DCAF1: variants seen among roughly 807,000 people sequenced by gnomAD.
The protein encoded by DCAF1 is DDB1- and CUL4-associated factor 1.
DCAF1 carries 15 observed loss-of-function variants against 128.0 expected under a neutral mutation model. The observed-to-expected ratio is 0.12, with a 90% CI of 0.08 to 0.18. The LOEUF (loss-of-function observed/expected upper bound fraction) is 0.18, where lower values mean the gene tolerates loss of function less well. Among genes scored for constraint, DCAF1 ranks in the 10% least tolerant of loss-of-function variants. DCAF1 has a pLI of 1.00. For missense variants in DCAF1, 988 were observed against 1,649.5 expected (o/e 0.60, Z 6.95); for synonymous variants, 610 against 603.0 (o/e 1.01, Z -0.17).
chr3:51,398,860 C>T (rs782116511), intron 24 of DCAF1, 33 bp from the exon 25 acceptor site: 2 of 1,565,776 alleles, frequency 1.3e-6, no homozygotes, highest in Non-Finnish European at 1.7e-6. Flanking sequence ...GACAAGATTA[C>T]ACACTAGGCT....
chr3:51,464,641 G>A (rs1408019298), intron 5 of DCAF1, among the ~76,000 whole-genome samples: 2 of 151,416 alleles, frequency 1.3e-5, no homozygotes, highest in Non-Finnish European at 2.9e-5. Flanking sequence ...GCTGCAGTGA[G>A]TGATCGTACT....
chr3:51,408,546 G>A (rs1698111819), intron 23 of DCAF1, among the ~76,000 whole-genome samples: 1 of 152,162 alleles, frequency 6.6e-6, no homozygotes, highest in South Asian at 2.1e-4. Flanking sequence ...ACTAGAGACT[G>A]GTTTTCCTAC....
At chr3:51,491,133 A>G (rs1553657809) in intron 2 of DCAF1, among the ~76,000 whole-genome samples, 1 of 151,680 alleles carries the variant, frequency 6.6e-6, no homozygotes. Flanking sequence ...GTGGATCACA[A>G]GGTCAAGAGA....
At chr3:51,422,013 T>C (rs1699439144) in intron 14 of DCAF1, among the ~76,000 whole-genome samples, 1 of 152,130 alleles carries the variant, frequency 6.6e-6, no homozygotes, top group Admixed American at 6.5e-5. Flanking sequence ...AAAGCTATAA[T>C]ATACCATTAT....
In DCAF1 at chr3:51,398,136, GA is replaced by G. The variant is rs1396722767; in HGVS notation, c.*632del. Reference sequence around the variant, plus strand: ...CTTCCTCCCCACCTCTGGCACGAAGGAAAACAAATTAACCTGACAGCATATG... The same window carrying G: ...CTTCCTCCCCACCTCTGGCACGAAGGAAACAAATTAACCTGACAGCATATG... On this transcript the variant is annotated 3_prime_UTR_variant, in exon 25 of 25. Transcript: ENST00000684031. 6.6e-6 allele frequency: 1 copy of G among 151,832 alleles called. No homozygotes were observed. Among genetic ancestry groups the G allele is most frequent in the Non-Finnish European group, 1.5e-5 (1 of 67,932 alleles). The allele number at this position is 151,832 out of a possible 1,614,324, so 9.4% of individuals were successfully genotyped here.
At chr3:51,494,643 A>T (rs1399866773) in intron 2 of DCAF1, among the ~76,000 whole-genome samples, 2 of 152,124 alleles carry the variant, frequency 1.3e-5, no homozygotes, top group Non-Finnish European at 2.9e-5. Flanking sequence ...TAAAGACATG[A>T]TTTTTTAAAA....
At chr3:51,429,037 T>TA (rs1411736616) in intron 12 of DCAF1, among the ~76,000 whole-genome samples, 1 of 152,150 alleles carries the variant, frequency 6.6e-6, no homozygotes, top group Admixed American at 6.5e-5. Context: ...ACACTTCAGT[T>TA]AATCTTTTAG....
intron 6 of DCAF1, among the ~76,000 whole-genome samples, chr3:51,446,688 A>G (rs1241534972): frequency 6.6e-6 from 1 of 151,984 alleles, no homozygotes; most frequent in Non-Finnish European, 1.5e-5. Context: ...GGCCGTGCAC[A>G]GTGGCTCACA....
chr3:51,458,128 A>C (rs1703127203), intron 6 of DCAF1, among the ~76,000 whole-genome samples: 2 of 152,194 alleles, frequency 1.3e-5, no homozygotes, highest in African/African-American at 2.4e-5. Context: ...CAAATTGGAT[A>C]AAGAGTCAAG....
At chr3:51,428,225 A>G (rs1700065867) in intron 12 of DCAF1, among the ~76,000 whole-genome samples, 1 of 151,732 alleles carries the variant, frequency 6.6e-6, no homozygotes, top group Non-Finnish European at 1.5e-5. Flanking sequence ...TCTGTTGCCC[A>G]GACTGGAGTG....
chr3:51,448,034 GT>G (rs566615610), intron 6 of DCAF1, among the ~76,000 whole-genome samples: 58 of 152,168 alleles, frequency 3.8e-4, no homozygotes, highest in African/African-American at 1.4e-3. Flanking sequence ...CTGTGGCAAA[GT>G]TTGCTCTGTT....
At chr3:51,442,694 C>T (rs1227299557) in intron 7 of DCAF1, among the ~76,000 whole-genome samples, 1 of 151,074 alleles carries the variant, frequency 6.6e-6, no homozygotes, top group Admixed American at 6.6e-5. Context: ...AGTGAAACTC[C>T]GTCTCAAAAA....
intron 1 of DCAF1, among the ~76,000 whole-genome samples, chr3:51,498,418 C>A (rs1004766938): frequency 6.6e-6 from 1 of 150,692 alleles, no homozygotes; most frequent in Admixed American, 6.6e-5. Context: ...TGCACTCCAG[C>A]CTAGGCTACA....
At chr3:51,415,021 G>A (rs556239837) in intron 18 of DCAF1, among the ~76,000 whole-genome samples, 164 bp from the exon 19 acceptor site, 2 of 151,658 alleles carry the variant, frequency 1.3e-5, no homozygotes, top group South Asian at 2.1e-4. Context: ...GATTACAGGC[G>A]TGAGCCACCG....
intron 12 of DCAF1, among the ~76,000 whole-genome samples, chr3:51,428,990 C>T (rs528749501): frequency 1.5e-4 from 23 of 152,164 alleles, no homozygotes; most frequent in African/African-American, 4.3e-4. Flanking sequence ...CAGAGGGAGA[C>T]GTATCTCAAA....
chr3:51,465,704 C>T (rs1704059898), intron 5 of DCAF1, among the ~76,000 whole-genome samples: 2 of 152,152 alleles, frequency 1.3e-5, no homozygotes, highest in South Asian at 4.2e-4. Flanking sequence ...GAGATCACAC[C>T]ACTGCACTCC....
At chr3:51,429,561 ACT>A in intron 11 of DCAF1, 91 bp from the exon 12 acceptor site, 1 of 692,896 alleles carries the variant, frequency 1.4e-6, no homozygotes, top group East Asian at 2.7e-5. Context: ...ATTTTAGTAA[ACT>A]TTTTTTACTT....
chr3:51,489,692 C>A (rs923022683), intron 2 of DCAF1, among the ~76,000 whole-genome samples: 7 of 151,104 alleles, frequency 4.6e-5, no homozygotes, highest in Non-Finnish European at 1.0e-4. Flanking sequence ...GAGGCTGAGG[C>A]AGGAGAACAG....
intron 17 of DCAF1, among the ~76,000 whole-genome samples, chr3:51,417,553 T>C (rs1221108078): frequency 6.6e-6 from 1 of 152,062 alleles, no homozygotes; most frequent in Non-Finnish European, 1.5e-5. Context: ...ACGCTGTCTC[T>C]ACTAAAAATA....
Sources: allele counts gnomAD v4.1 joint callset (sites outside exome capture counted in the v4.1 genomes callset), GRCh38; gene constraint gnomAD v4.1.1; transcripts MANE v1.5; gene names NCBI Gene and HGNC (gene_info 2026-07-23, HGNC 2026-07-21).